The following VIT variants were observed in gnomAD, a reference collection of about 807,000 sequenced individuals.
VIT encodes the protein vitrin.
Under a neutral mutation model 78.0 loss-of-function variants are expected in VIT, and 99 were observed. The ratio of observed to expected loss-of-function variants is 1.27; its 90% CI spans 1.08 to 1.50. VIT has a LOEUF of 1.50. Among genes scored for constraint, VIT ranks in the 40% most tolerant of loss-of-function variants. The pLI, the probability that VIT is intolerant of heterozygous loss-of-function variation, is 0.00. For synonymous variants in VIT, 374 were observed against 334.3 expected, an observed-to-expected ratio of 1.12 and a Z score of -1.29; for missense variants, 1,126 against 875.3, an observed-to-expected ratio of 1.29 and a Z score of -3.61.
chr2:36,768,831 T>C (rs759644355), intron 7 of VIT, among the ~76,000 whole-genome samples: 12 of 152,226 alleles, frequency 7.9e-5, no homozygotes, highest in Non-Finnish European at 1.3e-4. Flanking sequence ...GTAGTACATA[T>C]ATCTCATTTA....
In VIT at chr2:36,773,823, C is replaced by T. The variant is rs780330492; in HGVS notation, c.712C>T (p.Gln238Ter). ...GTCCACTGCCACCTACACAAGCAGCCAAAACAGGCCCAGAGCTGATCCAGG... is the reference window on the plus strand; with the variant it reads ...GTCCACTGCCACCTACACAAGCAGCTAAAACAGGCCCAGAGCTGATCCAGG... ...LWSTATYTSS[Q>*]NRPRADPGIQ... is the part of the protein sequence containing the mutation. The change falls in exon 8 of 16, where the codon CAA becomes TAA. Residue 238 changes from glutamine to a stop codon, truncating the protein, a stop_gained. Coordinates refer to ENST00000379242, the MANE Select transcript of VIT (RefSeq NM_053276.4). LOFTEE classifies it high-confidence loss of function. 1 of 1,605,064 alleles carries T rather than the reference C, an allele frequency of 6.2e-7. No individual in the cohort carries two copies. The highest frequency in any genetic ancestry group is 1.1e-5 in the South Asian group (1 of 89,246).
chr2:36,797,068 T>G (rs1233226516), intron 12 of VIT, among the ~76,000 whole-genome samples: 1 of 151,848 alleles, frequency 6.6e-6, no homozygotes, highest in African/African-American at 2.4e-5. Context: ...ATTTTTCATT[T>G]TGTAGCCAAT....
At chr2:36,699,626 G>GTAGATAGATAGATAGATAGA (rs10530448) in intron 1 of VIT, among the ~76,000 whole-genome samples, 28 of 141,976 alleles carry the variant, frequency 2.0e-4, no homozygotes, top group African/African-American at 2.6e-4. Flanking sequence ...AGATATATAG[G>GTAGATAGATAGATAGATAGA]TAGATAGATA....
intron 1 of VIT, among the ~76,000 whole-genome samples, chr2:36,708,110 TCCC>T (rs141908586): frequency 3.6e-5 from 5 of 137,896 alleles, no homozygotes; most frequent in Middle Eastern, 3.6e-3. Flanking sequence ...GTAAAGGACC[TCCC>T]CCCCCCGCCC....
At chr2:36,716,948 C>T (rs1438981538) in intron 2 of VIT, among the ~76,000 whole-genome samples, 1 of 142,302 alleles carries the variant, frequency 7.0e-6, no homozygotes, top group Non-Finnish European at 1.5e-5. Flanking sequence ...GTGATCTCGG[C>T]TCACTGCAAC....
At chr2:36,807,095 T>C (rs1372724481) in intron 14 of VIT, among the ~76,000 whole-genome samples, 1 of 152,112 alleles carries the variant, frequency 6.6e-6, no homozygotes, top group Non-Finnish European at 1.5e-5. Flanking sequence ...CTCTCCCTCC[T>C]CTTTCCCTCG....
intron 15 of VIT, among the ~76,000 whole-genome samples, chr2:36,813,444 G>T (rs1017752690): frequency 6.6e-6 from 1 of 152,118 alleles, no homozygotes; most frequent in Non-Finnish European, 1.5e-5. Context: ...GTGAGATTCT[G>T]TCTCAAACAA....
intron 3 of VIT, 105 bp downstream of exon 3, chr2:36,729,596 CTA>C (rs1667071128): frequency 9.0e-7 from 1 of 1,110,870 alleles, no homozygotes; most frequent in Non-Finnish European, 1.3e-6. Context: ...GTTTTTATCT[CTA>C]TGTCAATTAA....
At chr2:36,726,749 G>T (rs2148476614) in intron 2 of VIT, among the ~76,000 whole-genome samples, 1 of 150,742 alleles carries the variant, frequency 6.6e-6, no homozygotes, top group Admixed American at 6.6e-5. Flanking sequence ...AACCCGGGAG[G>T]CGGAGTTTGC....
At chr2:36,716,290 C>A in intron 1 of VIT, 63 bp from the exon 2 acceptor site, 1 of 1,378,326 alleles carries the variant, frequency 7.3e-7, no homozygotes, top group Non-Finnish European at 1.0e-6. Flanking sequence ...CCCACACACT[C>A]TGTGCATCCA....
chr2:36,771,460 G>A (rs6544036), intron 7 of VIT, among the ~76,000 whole-genome samples: 15,002 of 150,742 alleles, frequency 0.1, 2,530 homozygotes, highest in African/African-American at 0.35. Flanking sequence ...CGGGCAGCAG[G>A]AGTTGCAGTG....
intron 9 of VIT, 124 bp from the exon 10 acceptor site, chr2:36,781,603 C>G (rs1664756991): frequency 1.9e-6 from 2 of 1,071,718 alleles, no homozygotes; most frequent in South Asian, 3.1e-5. Flanking sequence ...AATTCTGGCC[C>G]TCTGTTCCTT....
chr2:36,806,014 G>GCA (rs1051270584), intron 14 of VIT, among the ~76,000 whole-genome samples: 23 of 150,984 alleles, frequency 1.5e-4, no homozygotes, highest in African/African-American at 4.6e-4. Flanking sequence ...ACACACACAC[G>GCA]CACACACACA....
At chr2:36,748,977 C>T (rs1168469949) in intron 4 of VIT, among the ~76,000 whole-genome samples, 1 of 152,178 alleles carries the variant, frequency 6.6e-6, no homozygotes, top group Non-Finnish European at 1.5e-5. Flanking sequence ...AACTGAGCAT[C>T]CCGTGTTTTC....
At chr2:36,753,261 G>A (rs1427391900) in intron 4 of VIT, among the ~76,000 whole-genome samples, 1 of 152,036 alleles carries the variant, frequency 6.6e-6, no homozygotes, top group Non-Finnish European at 1.5e-5. Context: ...TGGATGCTGG[G>A]CCGAATACCC....
At position 36,794,340 on chromosome 2, in the gene VIT, T is replaced by G. The variant is rs549101800; in HGVS notation, c.1059-6961T>G. Among the ~76,000 whole-genome samples the G allele has an allele frequency of 5.7e-3, 863 of 152,192 alleles. 6 individuals carry two copies. The highest frequency in any genetic ancestry group is 9.6e-3 in the Non-Finnish European group (651 of 68,010). On this transcript the variant is annotated intron_variant, in intron 12 of 15. Coordinates refer to ENST00000379242, the MANE Select transcript of VIT (RefSeq NM_053276.4). ...CTTTGATATTCCCTAGAAAAAAAAA[T>G]TTAGTGTTTGCATTTAATAAGAACC...
At chr2:36,744,748 TTC>T (rs887875150) in intron 4 of VIT, among the ~76,000 whole-genome samples, 3 of 152,308 alleles carry the variant, frequency 2.0e-5, no homozygotes, top group African/African-American at 7.2e-5. Context: ...TGCAAATATT[TTC>T]TCTCTTTCTA....
intron 2 of VIT, among the ~76,000 whole-genome samples, chr2:36,722,533 C>T (rs897600171): frequency 2.6e-5 from 4 of 152,144 alleles, no homozygotes; most frequent in Non-Finnish European, 5.9e-5. Flanking sequence ...GTATATAATC[C>T]TAAATTAAAG....
At chr2:36,704,302 T>C (rs529938393) in intron 1 of VIT, among the ~76,000 whole-genome samples, 2 of 152,296 alleles carry the variant, frequency 1.3e-5, no homozygotes, top group South Asian at 2.1e-4. Context: ...CCTTACCCAA[T>C]AGGATCACCA....
Sources: gnomAD v4.1 joint callset for allele counts (sites outside exome capture counted in the v4.1 genomes callset) on GRCh38, gnomAD v4.1.1 for gene constraint, MANE v1.5 for transcripts, NCBI Gene and HGNC (gene_info 2026-07-23, HGNC 2026-07-21) for gene names.